The following DDX55 variants were observed in gnomAD, a reference collection of about 807,000 sequenced individuals.
The protein encoded by DDX55 is DEAD-box helicase 55.
In DDX55, 56 loss-of-function variants were observed where a neutral mutation model predicts 69.2. The observed-to-expected ratio is 0.81, with a 90% CI of 0.65 to 1.01. DDX55 has a LOEUF of 1.01. Among genes scored for constraint, DDX55 ranks in the 50% least tolerant of loss-of-function variants. The pLI is 0.00. For synonymous variants in DDX55, 268 were observed against 273.1 expected, an observed-to-expected ratio of 0.98 and a Z score of 0.18; for missense variants, 720 against 745.1, an observed-to-expected ratio of 0.97 and a Z score of 0.39.
At chr12:123,605,668 T>G in intron 1 of DDX55, 1 of 574,658 alleles carries the variant, frequency 1.7e-6, no homozygotes, top group Non-Finnish European at 3.2e-6. Flanking sequence ...AACGCCTTCC[T>G]GGTTCAGAGA....
In DDX55 at chr12:123,617,843, T is replaced by A; in HGVS notation, c.1135T>A (p.Tyr379Asn). The change falls in exon 11 of 14, where the codon TAC becomes AAC. Residue 379 changes from tyrosine (Y) to asparagine (N), a missense_variant. Physicochemically the swap from Tyr to Asn is moderately radical, Grantham distance 143 (BLOSUM62 -2). Transcript: ENST00000238146. ...GTTCCTCCTGCCCATGGAAGAGTCATACATCAATTTCCTTGCAATTAACCA... is the reference window on the plus strand; with the variant it reads ...GTTCCTCCTGCCCATGGAAGAGTCAAACATCAATTTCCTTGCAATTAACCA... ...LVFLLPMEES[Y>N]INFLAINQKC... 1 of 1,614,188 alleles carries A rather than the reference T, an allele frequency of 6.2e-7. No homozygotes were observed. Among genetic ancestry groups the A allele is most frequent in the Non-Finnish European group, 8.5e-7 (1 of 1,180,038 alleles).
At chr12:123,607,387 A>G (rs1425280809) in intron 3 of DDX55, 45 bp from the exon 4 acceptor site, 1 of 1,604,418 alleles carries the variant, frequency 6.2e-7, no homozygotes, top group Non-Finnish European at 8.5e-7. Context: ...CCTCTCTGGG[A>G]GTCCCTTGTG....
At chr12:123,604,144 C>T (rs958724121) in intron 1 of DDX55, among the ~76,000 whole-genome samples, 6 of 152,284 alleles carry the variant, frequency 3.9e-5, no homozygotes, top group Admixed American at 2.6e-4. Context: ...CAGTGGCACC[C>T]GCCTGTAGTA....
intron 9 of DDX55, 86 bp downstream of exon 9, chr12:123,615,402 C>T: frequency 1.3e-6 from 2 of 1,542,616 alleles, no homozygotes; most frequent in Non-Finnish European, 1.8e-6. Flanking sequence ...GTAGCCTGTG[C>T]TGTCCGCATG....
chr12:123,618,466 T>C (rs920443085), intron 11 of DDX55: 8 of 1,475,034 alleles, frequency 5.4e-6, no homozygotes, highest in African/African-American at 2.8e-5. Context: ...AGGATTGTCA[T>C]GTGAAATCTG....
At position 123,620,598 on chromosome 12, in the gene DDX55, A is replaced by ATG; in HGVS notation, c.*459_*460insGT. On this transcript the variant is annotated 3_prime_UTR_variant, in exon 14 of 14. Coordinates refer to ENST00000238146, the MANE Select transcript of DDX55 (RefSeq NM_020936.3). Reference sequence around the variant, plus strand: ...GTACATATTATATATATATATATATATATATATATATATATATATATATAT... The same window carrying ATG: ...GTACATATTATATATATATATATATATGTATATATATATATATATATATATAT... 1 of 70,500 alleles carries ATG rather than the reference A, an allele frequency of 1.4e-5. No homozygotes were observed. The highest frequency in any genetic ancestry group is 3.5e-5 in the Non-Finnish European group (1 of 28,790). The allele number at this position is 70,500 out of a possible 1,614,324, so 4.4% of individuals were successfully genotyped here. A position where few individuals can be genotyped will look rare whatever the true frequency, so the allele number is the denominator to read the frequency against.
At chr12:123,613,367 G>A (rs998932941) in intron 8 of DDX55, 115 bp downstream of exon 8, 4 of 1,055,604 alleles carry the variant, frequency 3.8e-6, no homozygotes, top group Middle Eastern at 2.8e-4. Context: ...AATGCTTTTG[G>A]CTGCAAATAA....
intron 1 of DDX55, among the ~76,000 whole-genome samples, chr12:123,603,095 C>T (rs529325034): frequency 6.0e-4 from 92 of 152,154 alleles, no homozygotes; most frequent in Non-Finnish European, 1.2e-3. Context: ...ATGGATTGTG[C>T]AGGGTCTTGT....
rs1955058227 is a variant in DDX55, at chr12:123,620,583, TATATATATATA to T, written c.*444_*454del. Reference sequence around the variant, plus strand: ...CACATATAGACATATGTACATATTATATATATATATATATATATATATATATATATATATAT... The same window carrying T: ...CACATATAGACATATGTACATATTATTATATATATATATATATATATATAT... On this transcript the variant is annotated 3_prime_UTR_variant, in exon 14 of 14. Coordinates refer to ENST00000238146, the MANE Select transcript of DDX55 (RefSeq NM_020936.3). The T allele has an allele frequency of 8.3e-4, 21 of 25,444 alleles. No homozygotes were observed. Among genetic ancestry groups the T allele is most frequent in the African/African-American group, 2.6e-3 (20 of 7,562 alleles). The allele number at this position is 25,444 out of a possible 1,614,324, so 1.6% of individuals were successfully genotyped here.
chr12:123,605,791 A>T, intron 1 of DDX55, 140 bp from the exon 2 acceptor site: 1 of 1,117,306 alleles, frequency 9.0e-7, no homozygotes, highest in Non-Finnish European at 1.4e-6. Flanking sequence ...CAACTTCTCT[A>T]TGGTGACTTG....
At chr12:123,602,638 A>T (rs1322947720) in intron 1 of DDX55, among the ~76,000 whole-genome samples, 2 of 152,230 alleles carry the variant, frequency 1.3e-5, no homozygotes, top group Non-Finnish European at 2.9e-5. Context: ...ACCAGTCGGC[A>T]CACTATGGGA....
rs1422775192 is a variant in DDX55 at position 123,613,271 on chromosome 12, T to TG, written c.824+21dup. 6.2e-7 allele frequency: 1 copy of TG among 1,612,476 alleles called. No individual in the cohort carries two copies. The highest frequency in any genetic ancestry group is 1.7e-5 in the Admixed American group (1 of 59,988). On this transcript the variant is annotated intron_variant, in intron 8 of 13. Coordinates refer to ENST00000238146, the MANE Select transcript of DDX55 (RefSeq NM_020936.3). ...TCTTCAGGTACTCCTCTGGTCTCTG[T>TG]GGTAGAGGCATCAGGGATTCAGCCA... is the stretch of plus-strand genomic sequence containing the variant.
At chr12:123,603,179 G>A (rs1376926954) in intron 1 of DDX55, among the ~76,000 whole-genome samples, 1 of 152,122 alleles carries the variant, frequency 6.6e-6, no homozygotes, top group African/African-American at 2.4e-5. Context: ...GGGAAGGGCT[G>A]TGATTTCTCT....
chr12:123,615,081 G>C, intron 8 of DDX55, 104 bp from the exon 9 acceptor site: 2 of 1,496,070 alleles, frequency 1.3e-6, no homozygotes, highest in Non-Finnish European at 1.8e-6. Flanking sequence ...GGGAGGGCTT[G>C]TAGTTAGGTT....
intron 7 of DDX55, among the ~76,000 whole-genome samples, chr12:123,610,605 C>CTTTTTT (rs35576014): frequency 2.7e-4 from 24 of 90,062 alleles, no homozygotes; most frequent in East Asian, 6.7e-4. Context: ...TGCTGAGTTT[C>CTTTTTT]TTTTTTTTTT....
Position 123,613,028 on chromosome 12 carries a change from G to C in DDX55, c.742-142G>C, listed in dbSNP as rs1954381310. 4 of 767,152 alleles carry C rather than the reference G, an allele frequency of 5.2e-6. No individual in the cohort carries two copies. The East Asian group carries it at 8.0e-5, about 15-fold the overall frequency. 47.5% of individuals were successfully genotyped at this position (767,152 alleles called of 1,614,324 possible). A position where few individuals can be genotyped will look rare whatever the true frequency, so the allele number is the denominator to read the frequency against. ...GTTGATATTTATTCTGAGCTAGGTA[G>C]ACCAGTTAACATTCCGACTAAAGTC... On this transcript the variant is annotated intron_variant, in intron 7 of 13. Coordinates refer to ENST00000238146, the MANE Select transcript of DDX55 (RefSeq NM_020936.3).
In DDX55 at chr12:123,606,150, A is replaced by G. The variant is rs148409263; in HGVS notation, c.237A>G (p.Lys79=). The G allele has an allele frequency of 6.9e-5, 112 of 1,614,170 alleles. No homozygotes were observed. The African/African-American group carries it at 1.1e-3, about 16-fold the overall frequency. The change falls in exon 3 of 14, where the codon AAA becomes AAG. Residue 79 remains lysine (K), a synonymous_variant. Coordinates refer to ENST00000238146, the MANE Select transcript of DDX55 (RefSeq NM_020936.3). ...EILLRREEKL[K]KSQVGAIIIT... The stretch of plus-strand genomic sequence containing the variant: ...TTCTGAGAAGAGAAGAGAAGTTAAA[A>G]AAGAGTCAGGTGAGGACAACAAAAG...
At position 123,605,696 on chromosome 12, in the gene DDX55, G is replaced by A. The variant is rs1335488750; in HGVS notation, c.109-235G>A. On this transcript the variant is annotated intron_variant, in intron 1 of 13. Coordinates refer to ENST00000238146, the MANE Select transcript of DDX55 (RefSeq NM_020936.3). The stretch of plus-strand genomic sequence containing the variant: ...TTCAGAGAGGAAAGTAGGAGCGACA[G>A]GGCTAGAATTCAGGACTCCCACCTC... 7.8e-6 allele frequency: 5 copies of A among 638,586 alleles called. No individual in the cohort carries two copies. In the East Asian group the frequency reaches 1.5e-4, roughly 19 times the overall value. 39.6% of individuals were successfully genotyped at this position (638,586 alleles called of 1,614,324 possible).
At chr12:123,602,383 C>A in intron 1 of DDX55, 127 bp downstream of exon 1, 1 of 913,638 alleles carries the variant, frequency 1.1e-6, no homozygotes, top group Non-Finnish European at 1.6e-6. Context: ...GGGGCTCTTG[C>A]CTTGTCTCCA....
Sources: allele counts gnomAD v4.1 joint callset (sites outside exome capture counted in the v4.1 genomes callset), GRCh38; gene constraint gnomAD v4.1.1; transcripts MANE v1.5; gene names NCBI Gene and HGNC (gene_info 2026-07-23, HGNC 2026-07-21).